EXOC2: variants seen among roughly 807,000 people sequenced by gnomAD.
The protein encoded by EXOC2 is SEC5-like 1.
A neutral mutation model predicts 131.8 loss-of-function variants in EXOC2; 70 were observed. That is an observed-to-expected ratio of 0.53 (90% CI 0.44 to 0.65). The LOEUF (loss-of-function observed/expected upper bound fraction) is 0.65, where lower values mean the gene tolerates loss of function less well. EXOC2 is among the 30% of genes least tolerant of loss of function. The pLI is 0.00. For synonymous variants in EXOC2, 411 were observed against 398.4 expected, an observed-to-expected ratio of 1.03 and a Z score of -0.38; for missense variants, 923 against 1,108.6, an observed-to-expected ratio of 0.83 and a Z score of 2.38.
In EXOC2 at chr6:491,188, T is replaced by G; in HGVS notation, c.2560-2A>C. 6.2e-7 allele frequency: 1 copy of G among 1,614,116 alleles called. No homozygotes were observed. Among genetic ancestry groups the G allele is most frequent in the Non-Finnish European group, 8.5e-7 (1 of 1,179,996 alleles). The stretch of plus-strand genomic sequence containing the variant: ...CAAAGCACAGATTTCAAGTCTCGCC[T>G]GAAAATGAGAAAAAGACAAAGTGAC... On this transcript the variant is annotated splice_acceptor_variant, in intron 25 of 27. Transcript: ENST00000230449. LOFTEE classifies it high-confidence loss of function.
At position 637,798 on chromosome 6, in the gene EXOC2, G is replaced by A; in HGVS notation, c.21C>T (p.Pro7=). The change falls in exon 2 of 28, where the codon CCC becomes CCT. Residue 7 remains proline (P), a synonymous_variant. Coordinates refer to ENST00000230449, the MANE Select transcript of EXOC2 (RefSeq NM_018303.6). MSRSRQ[P]PLVTGISPNE... ...TTGGAGAGATGCCGGTCACAAGGGG[G>A]GGTTGTCGTGATCGAGACATTGTGC... is the stretch of plus-strand genomic sequence containing the variant. 3 of 1,613,796 alleles carry A rather than the reference G, an allele frequency of 1.9e-6. No individual in the cohort carries two copies. The highest frequency in any genetic ancestry group is 1.3e-5 in the African/African-American group (1 of 75,016).
chr6:550,588 T>C (rs1049992596), intron 21 of EXOC2, among the ~76,000 whole-genome samples: 3 of 151,996 alleles, frequency 2.0e-5, no homozygotes, highest in Admixed American at 6.5e-5. Context: ...GTAAATAGGG[T>C]TGTATTATGT....
At chr6:574,241 G>C (rs1394277861) in intron 12 of EXOC2, among the ~76,000 whole-genome samples, 4 of 152,160 alleles carry the variant, frequency 2.6e-5, no homozygotes, top group Non-Finnish European at 4.4e-5. Context: ...AAAACGTCCA[G>C]AACAAGAATT....
At chr6:645,775 T>C (rs1053929744) in intron 1 of EXOC2, among the ~76,000 whole-genome samples, 1 of 152,174 alleles carries the variant, frequency 6.6e-6, no homozygotes, top group Non-Finnish European at 1.5e-5. Context: ...GCGATGAGCA[T>C]ATCTAACTCC....
chr6:615,876 T>C (rs1356235983), intron 6 of EXOC2, among the ~76,000 whole-genome samples: 1 of 152,148 alleles, frequency 6.6e-6, no homozygotes, highest in Non-Finnish European at 1.5e-5. Flanking sequence ...AAAATAAAGT[T>C]TGGGGATAAT....
chr6:599,904 T>C (rs1319553563), intron 7 of EXOC2, among the ~76,000 whole-genome samples: 1 of 151,948 alleles, frequency 6.6e-6, no homozygotes, highest in Non-Finnish European at 1.5e-5. Context: ...ATCACTGTAA[T>C]GAAAGAGTTG....
chr6:581,895 T>G (rs756843842), intron 11 of EXOC2, among the ~76,000 whole-genome samples: 2 of 152,172 alleles, frequency 1.3e-5, no homozygotes, highest in Non-Finnish European at 2.9e-5. Context: ...ATTTTAAGTA[T>G]GCAGATACAT....
intron 6 of EXOC2, among the ~76,000 whole-genome samples, chr6:610,595 T>C (rs1760663886): frequency 6.6e-6 from 1 of 152,184 alleles, no homozygotes; most frequent in African/African-American, 2.4e-5. Context: ...TGTTCAGATT[T>C]GGGATGTTCA....
chr6:592,606 G>C lies in EXOC2; in HGVS notation c.1074-19C>G. The C allele has an allele frequency of 6.3e-7, 1 of 1,578,620 alleles. No individual in the cohort carries two copies. Among genetic ancestry groups the C allele is most frequent in the South Asian group, 1.1e-5 (1 of 88,656 alleles). On this transcript the variant is annotated intron_variant, in intron 10 of 27. Transcript: ENST00000230449. ...CAGGTACCTGAAAAAGCAAGTCCAA[G>C]GTTGAGGCCAAAGGGAAATGCTGGC...
chr6:497,388 G>A lies in EXOC2; in HGVS notation c.2538C>T (p.Phe846=). 1 of 1,613,396 alleles carries A rather than the reference G, an allele frequency of 6.2e-7. No homozygotes were observed. Among genetic ancestry groups the A allele is most frequent in the South Asian group, 1.1e-5 (1 of 90,922 alleles). The change falls in exon 25 of 28, where the codon TTC becomes TTT. Residue 846 remains phenylalanine (F), a synonymous_variant. Coordinates refer to ENST00000230449, the MANE Select transcript of EXOC2 (RefSeq NM_018303.6). ...TTACCTGTAAAGCTCCATTTTTGCT[G>A]AAGGATGAAACACACTGCATCAGTC... ...LSRLMQCVSS[F]SKNGALQARL...
At chr6:576,992 C>G in intron 11 of EXOC2, 110 bp from the exon 12 acceptor site, 2 of 894,192 alleles carry the variant, frequency 2.2e-6, no homozygotes, top group South Asian at 3.8e-5. Context: ...AATTGCTCCA[C>G]TCTTAAATAA....
At chr6:575,456 A>ACTCCCTCTCCATCCTTTCCCTCG (rs1758524297) in intron 12 of EXOC2, among the ~76,000 whole-genome samples, 4 of 97,598 alleles carry the variant, frequency 4.1e-5, no homozygotes, top group Non-Finnish European at 6.9e-5. Flanking sequence ...CCTCTCCCTC[A>ACTCCCTCTCCATCCTTTCCCTCG]CTCCCTCTCC....
chr6:570,025 G>A (rs1197257221), intron 13 of EXOC2, among the ~76,000 whole-genome samples: 2 of 152,160 alleles, frequency 1.3e-5, no homozygotes, highest in African/African-American at 4.8e-5. Context: ...GGCAACTACT[G>A]TCCATGTGTG....
chr6:617,638 G>T, intron 6 of EXOC2, 73 bp downstream of exon 6: 1 of 1,553,640 alleles, frequency 6.4e-7, no homozygotes. Flanking sequence ...GTCACACCCT[G>T]TAAACACCCT....
intron 24 of EXOC2, 71 bp downstream of exon 24, chr6:499,574 C>A (rs1763927450): frequency 1.5e-6 from 2 of 1,355,052 alleles, no homozygotes; most frequent in South Asian, 1.2e-5. Flanking sequence ...TAGAAATAAT[C>A]AAATTTACAT....
intron 26 of EXOC2, 134 bp from the exon 27 acceptor site, chr6:489,172 G>T: frequency 1.1e-5 from 9 of 801,114 alleles, no homozygotes; most frequent in African/African-American, 3.5e-5. Flanking sequence ...AAGTAAAAGT[G>T]AAAAACAATA....
rs1001918204 is a variant in EXOC2, at chr6:677,976, G to T, written c.-44+15043C>A. The stretch of plus-strand genomic sequence containing the variant: ...CACACACACACACACTCTTCACGTT[G>T]TCACTCACATATGAAAAGGGTCCCC... On this transcript the variant is annotated intron_variant, in intron 1 of 27. Coordinates refer to ENST00000230449, the MANE Select transcript of EXOC2 (RefSeq NM_018303.6). 2.0e-5 allele frequency among the ~76,000 whole-genome samples: 3 copies of T among 148,416 alleles called. No homozygotes were observed. The South Asian group carries it at 6.4e-4, about 32-fold the overall frequency.
intron 3 of EXOC2, among the ~76,000 whole-genome samples, chr6:630,531 T>C (rs1186010947): frequency 2.0e-5 from 3 of 152,252 alleles, no homozygotes; most frequent in Non-Finnish European, 4.4e-5. Context: ...TATTTAATAC[T>C]GTGAGTTTCT....
chr6:555,165 C>T, intron 20 of EXOC2, 62 bp downstream of exon 20: 1 of 978,870 alleles, frequency 1.0e-6, no homozygotes, highest in Non-Finnish European at 1.4e-6. Flanking sequence ...AAGCATAAAA[C>T]TTGAGCCTGT....
Sources: gnomAD v4.1 joint callset for allele counts (sites outside exome capture counted in the v4.1 genomes callset) on GRCh38, gnomAD v4.1.1 for gene constraint, MANE v1.5 for transcripts, NCBI Gene and HGNC (gene_info 2026-07-23, HGNC 2026-07-21) for gene names.